Variants in EVC2 observed in about 807,000 individuals in gnomAD.
The protein encoded by EVC2 is EvC ciliary complex subunit 2.
A neutral mutation model predicts 149.3 loss-of-function variants in EVC2; 148 were observed. The ratio of observed to expected loss-of-function variants is 0.99; its 90% CI spans 0.87 to 1.14. EVC2 has a LOEUF of 1.14. EVC2 is among the 50% of genes most tolerant of loss of function. EVC2 has a pLI of 0.00. For synonymous variants in EVC2, 776 were observed against 649.9 expected (o/e 1.19, Z -2.95); for missense variants, 1,854 against 1,627.3 (o/e 1.14, Z -2.40).
At chr4:5,540,695 A>G (rs1020117732), downstream of EVC2, among the ~76,000 whole-genome samples, 4 of 152,232 alleles carry the variant, frequency 2.6e-5, no homozygotes, top group African/African-American at 9.6e-5. Flanking sequence ...AAGGGCCACA[A>G]GGAAATTTTG....
At chr4:5,704,869 CTATATATA>C in intron 1 of EVC2, among the ~76,000 whole-genome samples, 1 of 150,024 alleles carries the variant, frequency 6.7e-6, no homozygotes, top group Non-Finnish European at 1.5e-5. Flanking sequence ...TCACACACAG[CTATATATA>C]TATATATGTT....
At chr4:5,541,796 T>C (rs575627935), downstream of EVC2, among the ~76,000 whole-genome samples, 4 of 152,234 alleles carry the variant, frequency 2.6e-5, no homozygotes, top group South Asian at 6.2e-4. Context: ...TCAACCAACA[T>C]GTATTAAGCA....
intron 6 of EVC2, among the ~76,000 whole-genome samples, chr4:5,684,798 G>A (rs578216078): frequency 6.6e-6 from 1 of 152,316 alleles, no homozygotes; most frequent in African/African-American, 2.4e-5. Context: ...GGTAAAGTGA[G>A]GTTGCTAGGC....
At chr4:5,694,260 ATT>A (rs1251469457) in intron 3 of EVC2, 73 bp downstream of exon 3, 5 of 1,532,494 alleles carry the variant, frequency 3.3e-6, no homozygotes, top group Non-Finnish European at 4.5e-6. Flanking sequence ...AACCCGTGCC[ATT>A]TTATATACAG....
downstream of EVC2, among the ~76,000 whole-genome samples, chr4:5,541,648 GT>G (rs1221146101): frequency 2.0e-5 from 3 of 152,186 alleles, no homozygotes; most frequent in African/African-American, 7.2e-5. Flanking sequence ...GTATGGGTGT[GT>G]TTGCCAATGT....
At chr4:5,632,089 G>A (rs1716584929) in intron 10 of EVC2, 57 bp from the exon 11 acceptor site, 4 of 1,607,618 alleles carry the variant, frequency 2.5e-6, no homozygotes, top group Admixed American at 1.7e-5. Context: ...GCACCTACAT[G>A]TGCATGCAAT....
In EVC2 at chr4:5,625,656, T is replaced by C; in HGVS notation, c.2046+93A>G. 1 of 1,541,048 alleles carries C rather than the reference T, an allele frequency of 6.5e-7. No individual in the cohort carries two copies. The highest frequency in any genetic ancestry group is 8.9e-7 in the Non-Finnish European group (1 of 1,123,166). ...TGCCCAGCTGCCCTTCTGATCCTAG[T>C]TCACCAATGGCAATGTCTGGCACAG... On this transcript the variant is annotated intron_variant, in intron 13 of 21. Transcript: ENST00000344408. This position sits in a 1 kb window ranked among gnomAD's most constrained non-coding sequence, Gnocchi z 4.0.
At chr4:5,708,253 T>A (rs780519494) in intron 1 of EVC2, 33 bp downstream of exon 1, 293 of 1,464,798 alleles carry the variant, frequency 2.0e-4, no homozygotes, top group Non-Finnish European at 2.3e-4. Context: ...ACCACTACAG[T>A]CAGACCGGAG....
the EVC2 span, among the ~76,000 whole-genome samples, chr4:5,535,599 GAA>G: frequency 1.4e-5 from 2 of 143,920 alleles, no homozygotes; most frequent in East Asian, 2.2e-4. This position sits in a 1 kb window ranked among gnomAD's most constrained non-coding sequence, Gnocchi z 4.7. Flanking sequence ...TGCATGCTTA[GAA>G]AGAGAGAGAG....
intron 1 of EVC2, 80 bp downstream of exon 1, chr4:5,708,206 G>A: frequency 1.6e-6 from 2 of 1,251,348 alleles, no homozygotes; most frequent in African/African-American, 1.6e-5. Context: ...GAAATACTAA[G>A]GGTCCTCCCT....
At chr4:5,692,997 A>G (rs6828219) in intron 3 of EVC2, among the ~76,000 whole-genome samples, 13,460 of 152,118 alleles carry the variant, frequency 0.088, 1,320 homozygotes, top group African/African-American at 0.25. Flanking sequence ...TCCATCCACT[A>G]CACCCCCGCT....
chr4:5,560,245 A>G (rs557069985), downstream of EVC2, among the ~76,000 whole-genome samples: 18 of 152,200 alleles, frequency 1.2e-4, no homozygotes, highest in African/African-American at 4.3e-4. This position sits in a 1 kb window ranked among gnomAD's most constrained non-coding sequence, Gnocchi z 4.1. Context: ...GCCCTTCAAG[A>G]AAACAGCCTT....
In EVC2 at chr4:5,672,943, G is replaced by A. The variant is rs1222180528; in HGVS notation, c.871-7294C>T. The stretch of plus-strand genomic sequence containing the variant: ...CCACTTATCTGAAATGTACAGGGTC[G>A]GCAAATCCAGAGACAGAAGCAGATG... On this transcript the variant is annotated intron_variant, in intron 7 of 21. Transcript: ENST00000344408. Among the ~76,000 whole-genome samples, 11 of 152,272 alleles carry A rather than the reference G, an allele frequency of 7.2e-5. 1 individual carries two copies. The South Asian group carries it at 8.3e-4, about 11-fold the overall frequency.
At position 5,625,340 on chromosome 4, in the gene EVC2, A is replaced by G. The variant is rs1459992738; in HGVS notation, c.2046+409T>C. Reference sequence around the variant, plus strand: ...CACACACACACACACACACACACACACACACACAAACCCAGTGGTATCTCC... The same window carrying G: ...CACACACACACACACACACACACACGCACACACAAACCCAGTGGTATCTCC... On this transcript the variant is annotated intron_variant, in intron 13 of 21. Transcript: ENST00000344408. The surrounding 1 kb of genome is among the most constrained non-coding windows in gnomAD (Gnocchi z 4.0). Among the ~76,000 whole-genome samples, 3 of 148,882 alleles carry G rather than the reference A, an allele frequency of 2.0e-5. No individual in the cohort carries two copies. The highest frequency in any genetic ancestry group is 4.4e-5 in the Non-Finnish European group (3 of 67,792).
At chr4:5,665,098 G>T (rs550144218) in intron 8 of EVC2, among the ~76,000 whole-genome samples, 5 of 152,074 alleles carry the variant, frequency 3.3e-5, no homozygotes, top group Non-Finnish European at 7.4e-5. Flanking sequence ...GATGGGCTTT[G>T]TATGGGGTAA....
At chr4:5,647,300 T>C (rs1007569515) in intron 9 of EVC2, among the ~76,000 whole-genome samples, 7 of 152,218 alleles carry the variant, frequency 4.6e-5, no homozygotes, top group Non-Finnish European at 8.8e-5. Flanking sequence ...GGAAGACCCC[T>C]GCCTCTGCAT....
intron 7 of EVC2, among the ~76,000 whole-genome samples, chr4:5,673,900 T>G (rs17739030): frequency 0.33 from 50,875 of 151,924 alleles, 8,667 homozygotes; most frequent in African/African-American, 0.38. Flanking sequence ...TATTTTATTC[T>G]TCCAACTTTT....
intron 21 of EVC2, among the ~76,000 whole-genome samples, chr4:5,543,758 T>TACCTGC (rs1204513353): frequency 6.6e-6 from 1 of 152,098 alleles, no homozygotes; most frequent in African/African-American, 2.4e-5. Context: ...AGGGAAATGG[T>TACCTGC]ACCTGCTTAT....
At chr4:5,660,951 C>T (rs1320051258) in intron 9 of EVC2, among the ~76,000 whole-genome samples, 2 of 152,060 alleles carry the variant, frequency 1.3e-5, no homozygotes, top group African/African-American at 2.4e-5. Flanking sequence ...AAAAGCAGTA[C>T]CAAATTAAAT....
Sources: gnomAD v4.1 joint callset for allele counts (sites outside exome capture counted in the v4.1 genomes callset) on GRCh38, gnomAD v4.1.1 for gene constraint, Gnocchi (gnomAD v3.1) non-coding constraint, MANE v1.5 for transcripts, NCBI Gene and HGNC (gene_info 2026-07-23, HGNC 2026-07-21) for gene names.